The following MROH2A variants were observed in gnomAD, a reference collection of about 807,000 sequenced individuals.
The protein encoded by MROH2A is maestro heat like repeat family member 2A, also known as maestro heat-like repeat-containing protein family member 2A.
A neutral mutation model predicts 200.4 loss-of-function variants in MROH2A; 174 were observed. The observed-to-expected ratio is 0.87, with a 90% confidence interval of 0.77 to 0.98. The LOEUF (loss-of-function observed/expected upper bound fraction) is 0.98, where lower values mean the gene tolerates loss of function less well. Among genes scored for constraint, MROH2A ranks in the 50% least tolerant of loss-of-function variants. MROH2A has a pLI of 0.00. For synonymous variants in MROH2A, 829 were observed against 840.4 expected (o/e 0.99, Z 0.23); for missense variants, 2,045 against 2,139.6 (o/e 0.96, Z 0.87).
At position 233,794,498 on chromosome 2, in the gene MROH2A, G is replaced by A. The variant is rs576393747; in HGVS notation, c.958G>A (p.Val320Ile). ...EYQGSLEVLF[V>I]TQVLRQILEL... ...CCAGGGCAGTCTGGAGGTGCTCTTC[G>A]TCACGCAGGCGAGTGGCCAGGCAGC... is the stretch of plus-strand genomic sequence containing the variant. Residue 320 changes from valine to isoleucine, a missense_variant, in exon 8 of 42, where the codon GTC becomes ATC. Physicochemically the swap from Val to Ile is conservative, Grantham distance 29. Around this residue, in one of 3 missense-constraint regions of MROH2A, gnomAD observed 831 missense variants for 800.0 expected, o/e 1.04. Coordinates refer to ENST00000389758, the MANE Select transcript of MROH2A (RefSeq NM_001394639.1). 767 of 1,519,452 alleles carry A rather than the reference G, an allele frequency of 5.0e-4. 4 individuals carry two copies. In the African/African-American group the frequency reaches 7.7e-3, roughly 15 times the overall value. 94.1% of individuals were successfully genotyped at this position (1,519,452 alleles called of 1,614,324 possible).
At chr2:233,792,710 TG>T in intron 5 of MROH2A, 85 bp from the exon 6 acceptor site, 1 of 810,588 alleles carries the variant, frequency 1.2e-6, no homozygotes, top group Non-Finnish European at 2.1e-6. Context: ...GGGTTGGAGG[TG>T]GAGGGCAGCA....
Position 233,828,444 on chromosome 2 carries a change from CCA to C in MROH2A, c.4114-181_4114-180del. ...CCCCCCATATTTCCTTATTAAATCC[CCA>C]CACAGACCCTGAGGCAGGTACTAGC... On this transcript the variant is annotated intron_variant, in intron 35 of 41. Transcript: ENST00000389758. This position sits in a 1 kb window ranked among gnomAD's most constrained non-coding sequence, Gnocchi z 4.6. 1 of 621,504 alleles carries C rather than the reference CCA, an allele frequency of 1.6e-6. No homozygotes were observed. The highest frequency in any genetic ancestry group is 2.8e-5 in the East Asian group (1 of 35,904). 38.5% of individuals were successfully genotyped at this position (621,504 alleles called of 1,614,324 possible).
Position 233,795,642 on chromosome 2 carries a change from A to G in MROH2A, c.967-11A>G. ...GAAGGTCACCTGCCACCATTTGCCAATCCACTGCAGGTCTTGAGGCAGATC... is the reference window on the plus strand; with the variant it reads ...GAAGGTCACCTGCCACCATTTGCCAGTCCACTGCAGGTCTTGAGGCAGATC... On this transcript the variant is annotated splice_polypyrimidine_tract_variant and intron_variant, in intron 8 of 41. Coordinates refer to ENST00000389758, the MANE Select transcript of MROH2A (RefSeq NM_001394639.1). 2 of 1,550,930 alleles carry G rather than the reference A, an allele frequency of 1.3e-6. No individual in the cohort carries two copies. The highest frequency in any genetic ancestry group is 2.0e-5 in the Admixed American group (1 of 51,008).
At chr2:233,790,600 A>C (rs1468973149) in intron 5 of MROH2A, among the ~76,000 whole-genome samples, 6 of 116 alleles carry the variant, frequency 0.052, no homozygotes, top group Admixed American at 0.071. Flanking sequence ...CCTTTCCCTC[A>C]CCTCCCCTCC....
rs1195766245 is a variant in MROH2A at position 233,820,674 on chromosome 2, C to G, written c.3512+618C>G. On this transcript the variant is annotated intron_variant, in intron 31 of 41. Coordinates refer to ENST00000389758, the MANE Select transcript of MROH2A (RefSeq NM_001394639.1). The surrounding 1 kb of genome is among the most constrained non-coding windows in gnomAD (Gnocchi z 4.1). ...TGTTTGGGGTGGTACCAGAATTCAT[C>G]TGGGAGGAGCCAGAAAGAGCTAGAC... is the stretch of plus-strand genomic sequence containing the variant. Among the ~76,000 whole-genome samples the G allele has an allele frequency of 6.6e-6, 1 of 152,138 alleles. No individual in the cohort carries two copies. Among genetic ancestry groups the G allele is most frequent in the Non-Finnish European group, 1.5e-5 (1 of 68,014 alleles).
upstream of MROH2A, chr2:233,778,287 G>A (rs975334884): frequency 7.3e-5 from 12 of 164,470 alleles, no homozygotes; most frequent in Admixed American, 1.3e-4. Context: ...GGGATCTAAC[G>A]GTGATAGTTC....
chr2:233,831,710 A>T (rs1054860019), intron 39 of MROH2A, among the ~76,000 whole-genome samples, 170 bp downstream of exon 39: 2 of 152,236 alleles, frequency 1.3e-5, no homozygotes, highest in East Asian at 1.9e-4. Flanking sequence ...TCATGTGCCT[A>T]TTTCAGCTGT....
At chr2:233,776,582 A>G (rs962869214), upstream of MROH2A, among the ~76,000 whole-genome samples, 2 of 151,928 alleles carry the variant, frequency 1.3e-5, no homozygotes, top group African/African-American at 4.8e-5. Context: ...AGTATTTTCA[A>G]TTTGGAAAGC....
At chr2:233,818,589 C>A in intron 28 of MROH2A, 63 bp from the exon 29 acceptor site, 1 of 1,076,090 alleles carries the variant, frequency 9.3e-7, no homozygotes, top group Non-Finnish European at 1.4e-6. Flanking sequence ...GAGGTAGCCA[C>A]GAAGGGGGGG....
At position 233,802,226 on chromosome 2, in the gene MROH2A, C is replaced by T. The variant is rs185864352; in HGVS notation, c.1619C>T (p.Thr540Ile). 1.7e-4 allele frequency: 262 copies of T among 1,550,492 alleles called. 1 individual carries two copies. In the African/African-American group the frequency reaches 2.8e-3, roughly 16 times the overall value. Residue 540 changes from threonine (T) to isoleucine (I), a missense_variant, in exon 15 of 42, where the codon ACT (threonine) becomes ATT (isoleucine). This residue lies in a region of MROH2A where 831 missense variants were observed against 800.0 expected (regional missense o/e 1.04). Coordinates refer to ENST00000389758, the MANE Select transcript of MROH2A (RefSeq NM_001394639.1). Reference sequence around the variant, plus strand: ...GAGACAGACTACGTGGAAGCTTTGACTCCTATCTGTATCAGCCTCACAAAC... The same window carrying T: ...GAGACAGACTACGTGGAAGCTTTGATTCCTATCTGTATCAGCCTCACAAAC... ...IMETDYVEAL[T>I]PICISLTNLA...
rs923125516 is a variant in MROH2A at position 233,818,777 on chromosome 2, G to A, written c.3204+7G>A. ...ATCCTCCAGAATCGCCAAGGTGACA[G>A]CCGGGGAGCCTGCCTGGGCTGCCAG... On this transcript the variant is annotated splice_region_variant and intron_variant, in intron 29 of 41. Transcript: ENST00000389758. 6 of 1,521,284 alleles carry A rather than the reference G, an allele frequency of 3.9e-6. No individual in the cohort carries two copies. In the African/African-American group the frequency reaches 5.5e-5, roughly 14 times the overall value. The allele number at this position is 1,521,284 out of a possible 1,614,324, so 94.2% of individuals were successfully genotyped here. A position where few individuals can be genotyped will look rare whatever the true frequency, so the allele number is the denominator to read the frequency against.
chr2:233,803,297 C>G (rs1702585715), intron 15 of MROH2A, 151 bp from the exon 16 acceptor site: 3 of 734,554 alleles, frequency 4.1e-6, no homozygotes, highest in Middle Eastern at 2.4e-4. Context: ...AGGAAATTCC[C>G]TGTGCCAACC....
rs903917999 is a variant in MROH2A at position 233,833,221 on chromosome 2, C to A, written c.4987C>A (p.Gln1663Lys). 1.3e-6 allele frequency: 2 copies of A among 1,550,196 alleles called. No individual in the cohort carries two copies. The highest frequency in any genetic ancestry group is 2.7e-5 in the African/African-American group (2 of 73,046). Reference sequence around the variant, plus strand: ...GCTCACAGTCTTGGATAGCTGTAGTCAGCATGGGTTTCTGGCTTCACCCCA... The same window carrying A: ...GCTCACAGTCTTGGATAGCTGTAGTAAGCATGGGTTTCTGGCTTCACCCCA... Reference protein sequence around the residue: ...ETLTVLDSCSQHGFLASPQGM... With the variant: ...ETLTVLDSCSKHGFLASPQGM... The change falls in exon 42 of 42, where the codon CAG (glutamine) becomes AAG (lysine). Residue 1663 changes from glutamine (Q) to lysine (K), a missense_variant. This residue lies in a region of MROH2A where 1,201 missense variants were observed against 1,311.3 expected (regional missense o/e 0.92). Transcript: ENST00000389758.
At chr2:233,791,683 G>A (rs543076610) in intron 5 of MROH2A, among the ~76,000 whole-genome samples, 34 of 152,268 alleles carry the variant, frequency 2.2e-4, no homozygotes, top group Non-Finnish European at 4.0e-4. Flanking sequence ...GGGAGGAGTC[G>A]TAAGAGACAG....
intron 24 of MROH2A, among the ~76,000 whole-genome samples, chr2:233,812,415 AG>A (rs1345325003): frequency 1.3e-5 from 2 of 152,212 alleles, no homozygotes; most frequent in African/African-American, 4.8e-5. Flanking sequence ...GGAGGGGGAA[AG>A]GGGAAGAAGT....
chr2:233,793,550 A>T (rs1171024523), intron 6 of MROH2A, 123 bp from the exon 7 acceptor site: 2 of 890,732 alleles, frequency 2.2e-6, no homozygotes, highest in Non-Finnish European at 3.1e-6. Context: ...TTGGAAGGGC[A>T]GGGTGCAGCC....
At chr2:233,787,542 AC>A (rs1275455672) in intron 3 of MROH2A, among the ~76,000 whole-genome samples, 1 of 108,528 alleles carries the variant, frequency 9.2e-6, no homozygotes, top group African/African-American at 3.6e-5. Flanking sequence ...TATCATATAT[AC>A]ATATATATTA....
At chr2:233,819,825 A>T in intron 30 of MROH2A, 77 bp from the exon 31 acceptor site, 1 of 1,411,584 alleles carries the variant, frequency 7.1e-7, no homozygotes, top group Non-Finnish European at 9.4e-7. Context: ...CCCTTAGAGC[A>T]GGGGCATGTC....
At chr2:233,802,425 G>T (rs1320048626) in intron 15 of MROH2A, 110 bp downstream of exon 15, 18 of 1,279,888 alleles carry the variant, frequency 1.4e-5, no homozygotes, top group African/African-American at 9.0e-5. Context: ...CCCTTCTCCT[G>T]GAAACATCCA....
Sources: gnomAD v4.1 joint callset for allele counts (sites outside exome capture counted in the v4.1 genomes callset) on GRCh38, gnomAD v4.1.1 for gene constraint, gnomAD v4.1.1 regional missense constraint, Gnocchi (gnomAD v3.1) non-coding constraint, MANE v1.5 for transcripts, NCBI Gene and HGNC (gene_info 2026-07-23, HGNC 2026-07-21) for gene names.